The following MIOS variants were observed in gnomAD, a reference collection of about 807,000 sequenced individuals.
The protein encoded by MIOS is meiosis regulator for oocyte development, also known as GATOR2 complex protein MIOS.
MIOS carries 52 observed loss-of-function variants against 96.9 expected under a neutral mutation model. The ratio of observed to expected loss-of-function variants is 0.54; its 90% CI spans 0.43 to 0.68. MIOS has a LOEUF of 0.68. Among genes scored for constraint, MIOS ranks in the 30% least tolerant of loss-of-function variants. The pLI is 0.00. For synonymous variants in MIOS, 397 were observed against 359.5 expected (o/e 1.10, Z -1.18); for missense variants, 1,005 against 1,052.8 (o/e 0.95, Z 0.63).
intron 9 of MIOS, among the ~76,000 whole-genome samples, chr7:7,592,139 C>G (rs1784068239): frequency 6.6e-6 from 1 of 152,184 alleles, no homozygotes; most frequent in Admixed American, 6.5e-5. Flanking sequence ...CAGGCATGTG[C>G]CACCACACCT....
chr7:7,599,520 T>A (rs1001008525), intron 11 of MIOS, among the ~76,000 whole-genome samples: 2 of 152,126 alleles, frequency 1.3e-5, no homozygotes, highest in Non-Finnish European at 2.9e-5. Context: ...TCCTTTAAAG[T>A]TTGGTAGATT....
chr7:7,577,559 G>A (rs1371532654), intron 5 of MIOS, among the ~76,000 whole-genome samples: 3 of 152,162 alleles, frequency 2.0e-5, no homozygotes, highest in African/African-American at 7.2e-5. Context: ...ATTGAAGGAA[G>A]CCCATAGAGG....
chr7:7,605,447 A>G (rs1178144668), intron 11 of MIOS: 1 of 152,594 alleles, frequency 6.6e-6, no homozygotes, highest in Non-Finnish European at 1.5e-5. Context: ...GGCATGTGTC[A>G]CCACCCCCGG....
intron 11 of MIOS, chr7:7,605,668 A>G (rs1464043329): frequency 1.2e-5 from 3 of 260,598 alleles, no homozygotes; most frequent in Admixed American, 5.0e-5. Context: ...GAAAGATTTT[A>G]AACTACTGAT....
chr7:7,589,650 T>C, intron 9 of MIOS, 87 bp downstream of exon 9: 1 of 1,424,924 alleles, frequency 7.0e-7, no homozygotes, highest in Non-Finnish European at 9.5e-7. Flanking sequence ...GCACTTTTGC[T>C]TGCTTAGGAT....
intron 11 of MIOS, among the ~76,000 whole-genome samples, chr7:7,604,582 G>T (rs1784473395): frequency 1.3e-5 from 2 of 152,080 alleles, no homozygotes; most frequent in Admixed American, 6.6e-5. Context: ...ATTATCTACT[G>T]GTTTCCTTCA....
intron 9 of MIOS, among the ~76,000 whole-genome samples, chr7:7,592,877 T>C (rs138963970): frequency 6.6e-6 from 1 of 152,292 alleles, no homozygotes; most frequent in African/African-American, 2.4e-5. Flanking sequence ...GCTGTGGACC[T>C]GGGGGTATAT....
chr7:7,571,711 A>G (rs1783360822), intron 3 of MIOS, among the ~76,000 whole-genome samples: 1 of 152,188 alleles, frequency 6.6e-6, no homozygotes, highest in South Asian at 2.1e-4. Context: ...GACTTTTCTG[A>G]GGCATATAAC....
At chr7:7,583,887 A>G (rs1314958614) in intron 6 of MIOS, among the ~76,000 whole-genome samples, 1 of 152,176 alleles carries the variant, frequency 6.6e-6, no homozygotes, top group Non-Finnish European at 1.5e-5. Context: ...TGATTAAAAT[A>G]CAGTTTTCAT....
In MIOS at chr7:7,607,733, A is replaced by G. The variant is rs1784570580; in HGVS notation, c.*641A>G. ...ATTTTAAGATAAGCAATCTTTTGGC[A>G]TAACATTATCGTCTTCCTAGAAAAG... On this transcript the variant is annotated 3_prime_UTR_variant, in exon 13 of 13. Coordinates refer to ENST00000340080, the MANE Select transcript of MIOS (RefSeq NM_019005.4). The G allele has an allele frequency of 2.0e-5, 3 of 152,144 alleles. No homozygotes were observed. The South Asian group carries it at 6.2e-4, about 31-fold the overall frequency. 9.4% of individuals were successfully genotyped at this position (152,144 alleles called of 1,614,324 possible).
intron 11 of MIOS, among the ~76,000 whole-genome samples, chr7:7,598,527 A>G (rs1314398829): frequency 6.6e-6 from 1 of 152,150 alleles, no homozygotes; most frequent in Admixed American, 6.5e-5. Flanking sequence ...TTTTATGTTA[A>G]CTCTGGTCCT....
intron 5 of MIOS, among the ~76,000 whole-genome samples, chr7:7,575,879 CTTT>C (rs1383226318): frequency 7.0e-6 from 1 of 143,216 alleles, no homozygotes. Flanking sequence ...AGGTTTTCAG[CTTT>C]TTTTTTTTTG....
At position 7,596,346 on chromosome 7, in the gene MIOS, T is replaced by G; in HGVS notation, c.2286T>G (p.Gly762=). 6.2e-7 allele frequency: 1 copy of G among 1,614,180 alleles called. No individual in the cohort carries two copies. The highest frequency in any genetic ancestry group is 8.5e-7 in the Non-Finnish European group (1 of 1,180,028). Residue 762 remains glycine, a synonymous_variant, in exon 11 of 13, where the codon GGT becomes GGG. Transcript: ENST00000340080. ...PHQGRGFSQY[G]VSGSPTKSKV... ...AGGGCAGAGGTTTTAGTCAGTATGG[T>G]GTGAGTGGCTCACCAACGAAATCTA...
At position 7,583,379 on chromosome 7, in the gene MIOS, G is replaced by A. The variant is rs1427801747; in HGVS notation, c.1648+7G>A. 2 of 1,572,922 alleles carry A rather than the reference G, an allele frequency of 1.3e-6. No individual in the cohort carries two copies. The highest frequency in any genetic ancestry group is 1.7e-6 in the Non-Finnish European group (2 of 1,157,774). On this transcript the variant is annotated splice_region_variant and intron_variant, in intron 6 of 12. Transcript: ENST00000340080. The stretch of plus-strand genomic sequence containing the variant: ...GGGGCATCTTCTGAAAAAGGTATTA[G>A]GTTATAAACTAAGATATTAGTTATA...
At chr7:7,574,384 T>G (rs576062663) in intron 5 of MIOS, among the ~76,000 whole-genome samples, 188 bp downstream of exon 5, 130 of 152,252 alleles carry the variant, frequency 8.5e-4, no homozygotes, top group African/African-American at 3.0e-3. Context: ...CCAAAACCCT[T>G]TTTGCAGGGA....
intron 12 of MIOS, 119 bp downstream of exon 12, chr7:7,606,190 T>C (rs1784525966): frequency 7.7e-7 from 1 of 1,295,330 alleles, no homozygotes; most frequent in Non-Finnish European, 1.1e-6. Context: ...TATTTTTTAC[T>C]GTCACTCATG....
rs757787160 is a variant in MIOS at position 7,606,984 on chromosome 7, C to T, written c.2532-12C>T. 1.9e-6 allele frequency: 3 copies of T among 1,592,354 alleles called. No homozygotes were observed. Among genetic ancestry groups the T allele is most frequent in the Middle Eastern group, 1.7e-4 (1 of 5,994 alleles). On this transcript the variant is annotated splice_polypyrimidine_tract_variant and intron_variant, in intron 12 of 12. Coordinates refer to ENST00000340080, the MANE Select transcript of MIOS (RefSeq NM_019005.4). ...TTTGGATTTTTAACTGTTATTTGAC[C>T]TATTTTTTTAGGGACCATGCAGAGT...
In MIOS at chr7:7,600,974, A is replaced by T. The variant is rs556035517; in HGVS notation, c.2401+4513A>T. ...ACGTGCTCCTGAATGACTACTGGGTACATAACGAAATGAAGGCAGAAATAA... is the reference window on the plus strand; with the variant it reads ...ACGTGCTCCTGAATGACTACTGGGTTCATAACGAAATGAAGGCAGAAATAA... On this transcript the variant is annotated intron_variant, in intron 11 of 12. Transcript: ENST00000340080. Among the ~76,000 whole-genome samples, 11 of 152,360 alleles carry T rather than the reference A, an allele frequency of 7.2e-5. No individual in the cohort carries two copies. The East Asian group carries it at 2.1e-3, about 29-fold the overall frequency.
chr7:7,585,407 AACCCCCCCC>A, intron 6 of MIOS, among the ~76,000 whole-genome samples: 1 of 50,154 alleles, frequency 2.0e-5, no homozygotes, highest in Non-Finnish European at 5.4e-5. Flanking sequence ...TCAAAACCCA[AACCCCCCCC>A]TTTTTTTTTT....
Sources: gnomAD v4.1 joint callset for allele counts (sites outside exome capture counted in the v4.1 genomes callset) on GRCh38, gnomAD v4.1.1 for gene constraint, MANE v1.5 for transcripts, NCBI Gene and HGNC (gene_info 2026-07-23, HGNC 2026-07-21) for gene names.